LYPLAL1: variants seen among roughly 807,000 people sequenced by gnomAD.
LYPLAL1 encodes lysophospholipase-like protein 1.
In LYPLAL1, 23 loss-of-function variants were observed where a neutral mutation model predicts 19.7. That is an observed-to-expected ratio of 1.17 (90% CI 0.84 to 1.65). The LOEUF is 1.65. Ranked by LOEUF, LYPLAL1 falls within the 40% of genes most tolerant of loss-of-function variation. The pLI is 0.00. For missense variants in LYPLAL1, 355 were observed against 279.4 expected, an observed-to-expected ratio of 1.27 and a Z score of -1.93; for synonymous variants, 119 against 96.3, an observed-to-expected ratio of 1.24 and a Z score of -1.38.
the LYPLAL1 span, among the ~76,000 whole-genome samples, chr1:219,247,593 C>T: frequency 6.6e-6 from 1 of 152,214 alleles, no homozygotes; most frequent in South Asian, 2.1e-4. Flanking sequence ...GAACTAGGCT[C>T]TGCTTCTCCA....
the LYPLAL1 span, among the ~76,000 whole-genome samples, chr1:219,367,414 A>G: frequency 6.6e-6 from 1 of 152,206 alleles, no homozygotes; most frequent in Non-Finnish European, 1.5e-5. Context: ...GTTTAGAAAT[A>G]ACTCCAAAAA....
the LYPLAL1 span, among the ~76,000 whole-genome samples, chr1:219,261,355 G>A: frequency 4.3e-4 from 65 of 152,258 alleles, no homozygotes; most frequent in Admixed American, 3.9e-3. Context: ...AGTTGGGAAG[G>A]TTTGGGGTTA....
intron 3 of LYPLAL1, among the ~76,000 whole-genome samples, chr1:219,198,089 G>A (rs936550470): frequency 6.6e-6 from 1 of 152,036 alleles, no homozygotes; most frequent in Non-Finnish European, 1.5e-5. Context: ...TTCTTCTTGA[G>A]AAAAAGATGA....
At chr1:219,374,214 T>C in the LYPLAL1 span, among the ~76,000 whole-genome samples, 1 of 152,092 alleles carries the variant, frequency 6.6e-6, no homozygotes, top group Admixed American at 6.6e-5. Flanking sequence ...GTCCAAACTT[T>C]TGTGGTTTGG....
chr1:219,418,228 T>A, the LYPLAL1 span, among the ~76,000 whole-genome samples: 1 of 152,190 alleles, frequency 6.6e-6, no homozygotes, highest in Non-Finnish European at 1.5e-5. Context: ...GCCAAGAGAA[T>A]GTACTTCCCA....
At chr1:219,271,994 G>A in the LYPLAL1 span, 1 of 152,236 alleles carries the variant, frequency 6.6e-6, no homozygotes, top group Non-Finnish European at 1.5e-5. Flanking sequence ...AGCAGCAAAT[G>A]AGAAAAGTCT....
At chr1:219,394,593 T>C in the LYPLAL1 span, among the ~76,000 whole-genome samples, 1 of 152,234 alleles carries the variant, frequency 6.6e-6, no homozygotes, top group Admixed American at 6.5e-5. Flanking sequence ...ATTTTTCCTT[T>C]TGTGACTGGT....
chr1:219,222,491 G>A, the LYPLAL1 span: 3 of 152,244 alleles, frequency 2.0e-5, no homozygotes, highest in Admixed American at 6.5e-5. Flanking sequence ...ACAAAACAAA[G>A]TTCTGAGGTG....
At position 219,193,154 on chromosome 1, in the gene LYPLAL1, A is replaced by G. The variant is rs1465772805; in HGVS notation, c.264A>G (p.Pro88=). The G allele has an allele frequency of 1.2e-6, 2 of 1,610,210 alleles. No homozygotes were observed. The highest frequency in any genetic ancestry group is 8.5e-7 in the Non-Finnish European group (1 of 1,177,636). ...FDRFKITNDC[P]EHLESIDVMC... ...GATTTAAAATAACCAATGACTGCCCAGAACACCTTGAATCAATTGATGTCA... is the reference window on the plus strand; with the variant it reads ...GATTTAAAATAACCAATGACTGCCCGGAACACCTTGAATCAATTGATGTCA... The change falls in exon 3 of 5, where the codon CCA becomes CCG. Residue 88 remains proline (P), a synonymous_variant. Transcript: ENST00000366928.
intron 2 of LYPLAL1, among the ~76,000 whole-genome samples, chr1:219,190,839 G>C (rs1251796848): frequency 6.6e-6 from 1 of 151,516 alleles, no homozygotes; most frequent in African/African-American, 2.4e-5. Context: ...TTTAGAACAG[G>C]CAAAAGAAAT....
At chr1:219,305,916 G>T in the LYPLAL1 span, among the ~76,000 whole-genome samples, 2 of 152,102 alleles carry the variant, frequency 1.3e-5, no homozygotes, top group Non-Finnish European at 2.9e-5. Context: ...GGTATTTTAT[G>T]ATTTAACCCA....
At chr1:219,371,571 T>C in the LYPLAL1 span, among the ~76,000 whole-genome samples, 2 of 152,192 alleles carry the variant, frequency 1.3e-5, no homozygotes, top group Non-Finnish European at 2.9e-5. Flanking sequence ...GGCCAAAAGT[T>C]TCTCTGTACA....
the LYPLAL1 span, among the ~76,000 whole-genome samples, chr1:219,361,248 T>C: frequency 1.3e-5 from 2 of 152,178 alleles, no homozygotes; most frequent in African/African-American, 2.4e-5. Flanking sequence ...CCCTATGTTC[T>C]TTTACCGAAG....
the LYPLAL1 span, among the ~76,000 whole-genome samples, chr1:219,373,647 T>C: frequency 2.0e-5 from 3 of 152,074 alleles, no homozygotes; most frequent in Admixed American, 2.0e-4. Flanking sequence ...TAACTACATT[T>C]TAACATAACA....
the LYPLAL1 span, among the ~76,000 whole-genome samples, chr1:219,299,266 T>C: frequency 1.4e-3 from 206 of 151,778 alleles, 1 homozygote; most frequent in African/African-American, 4.2e-3. Context: ...AGATAACCAA[T>C]TGGAAGCAGC....
At chr1:219,195,952 A>C (rs1168318178) in intron 3 of LYPLAL1, among the ~76,000 whole-genome samples, 4 of 151,968 alleles carry the variant, frequency 2.6e-5, no homozygotes, top group Non-Finnish European at 5.9e-5. Flanking sequence ...TTCCTGTGTT[A>C]GTTTGCTGAG....
chr1:219,193,058 T>TC lies in LYPLAL1; in HGVS notation c.192-24_192-23insC, dbSNP rs1553299849. The TC allele has an allele frequency of 6.0e-5, 72 of 1,193,044 alleles. No individual in the cohort carries two copies. In the Admixed American group the frequency reaches 1.8e-3, roughly 30 times the overall value. 73.9% of individuals were successfully genotyped at this position (1,193,044 alleles called of 1,614,324 possible). ...TATTCCCTTTTCCTTTCTTTTTTTT[T>TC]GGGGGGGGGCGGTTGTTAAACAGAT... On this transcript the variant is annotated intron_variant, in intron 2 of 4. Transcript: ENST00000366928.
chr1:219,237,074 A>G, the LYPLAL1 span, among the ~76,000 whole-genome samples: 1 of 152,264 alleles, frequency 6.6e-6, no homozygotes, highest in East Asian at 1.9e-4. Flanking sequence ...AAAATTTCCC[A>G]CTGAGTATTT....
At chr1:219,298,429 G>A in the LYPLAL1 span, among the ~76,000 whole-genome samples, 4 of 152,302 alleles carry the variant, frequency 2.6e-5, no homozygotes, top group East Asian at 3.9e-4. Context: ...TAAAGGAGGC[G>A]CTGAGGCTCT....
Sources: allele counts gnomAD v4.1 joint callset (sites outside exome capture counted in the v4.1 genomes callset), GRCh38; gene constraint gnomAD v4.1.1; transcripts MANE v1.5; gene names NCBI Gene and HGNC (gene_info 2026-07-23, HGNC 2026-07-21).